The following ARHGEF3 variants were observed in gnomAD, a reference collection of about 807,000 sequenced individuals.
ARHGEF3 encodes 59.8 kDA protein.
A neutral mutation model predicts 63.2 loss-of-function variants in ARHGEF3; 28 were observed. The ratio of observed to expected loss-of-function variants is 0.44; its 90% CI spans 0.33 to 0.61. ARHGEF3 has a LOEUF of 0.61. Among genes scored for constraint, ARHGEF3 ranks in the 20% least tolerant of loss-of-function variants. The pLI, the probability that ARHGEF3 is intolerant of heterozygous loss-of-function variation, is 0.03. For missense variants in ARHGEF3, 533 were observed against 659.3 expected, an observed-to-expected ratio of 0.81 and a Z score of 2.10; for synonymous variants, 266 against 254.2, an observed-to-expected ratio of 1.05 and a Z score of -0.44.
intron 3 of ARHGEF3, among the ~76,000 whole-genome samples, chr3:56,910,064 G>A (rs1465000562): frequency 6.6e-6 from 1 of 152,164 alleles, no homozygotes; most frequent in Non-Finnish European, 1.5e-5. Flanking sequence ...AAGAGTAAAT[G>A]TTTGTTATTG....
intron 2 of ARHGEF3, chr3:56,975,697 A>C (rs1701098632): frequency 5.7e-6 from 2 of 347,880 alleles, no homozygotes; most frequent in Admixed American, 9.0e-5. Flanking sequence ...ACAGAGAAAC[A>C]GATGTTAAAA....
upstream of ARHGEF3, chr3:56,801,976 CG>C: frequency 1.6e-6 from 2 of 1,287,390 alleles, no homozygotes; most frequent in Non-Finnish European, 2.0e-6. Context: ...TGGGCGGGAC[CG>C]TGCCAGCCAC....
chr3:56,958,319 AT>A (rs532097300), intron 3 of ARHGEF3, among the ~76,000 whole-genome samples: 1,894 of 133,264 alleles, frequency 0.014, 22 homozygotes, highest in African/African-American at 0.036. Flanking sequence ...GGCCACTTGA[AT>A]TTTTTTTTTT....
chr3:56,760,247 T>C (rs1219053773), intron 2 of ARHGEF3, among the ~76,000 whole-genome samples: 2 of 152,210 alleles, frequency 1.3e-5, no homozygotes, highest in East Asian at 3.8e-4. Flanking sequence ...GATAGGTACA[T>C]AATAGTACAC....
At chr3:56,751,427 A>T in intron 4 of ARHGEF3, 31 bp from the exon 5 acceptor site, 1 of 1,565,064 alleles carries the variant, frequency 6.4e-7, no homozygotes, top group Non-Finnish European at 8.8e-7. Flanking sequence ...ATGGAAGCAC[A>T]TGTTTAAAAT....
At chr3:56,831,864 A>G (rs1459341165) in intron 4 of ARHGEF3, among the ~76,000 whole-genome samples, 1 of 152,246 alleles carries the variant, frequency 6.6e-6, no homozygotes, top group Non-Finnish European at 1.5e-5. Context: ...AATTTGAGCA[A>G]TCTTTGGGTG....
chr3:56,937,218 T>C (rs1948723), intron 3 of ARHGEF3, among the ~76,000 whole-genome samples: 1 of 152,134 alleles, frequency 6.6e-6, no homozygotes, highest in South Asian at 2.1e-4. Context: ...AAAAGACAAC[T>C]GAGAAAATAT....
rs1247804591 is a variant in ARHGEF3 at position 57,042,688 on chromosome 3, ATATATATATATAT to A, written c.-27-7525_-27-7513del. Among the ~76,000 whole-genome samples the A allele has an allele frequency of 3.6e-3, 32 of 8,860 alleles. 1 individual carries two copies. Among genetic ancestry groups the A allele is most frequent in the African/African-American group, 0.017 (31 of 1,842 alleles). The allele number at this position is 8,860 out of a possible 152,430, so 5.8% of individuals were successfully genotyped here. On this transcript the variant is annotated intron_variant, in intron 1 of 12. Coordinates refer to the ARHGEF3 transcript ENST00000338458. ...TATATATATATATATATATATATAT[ATATATATATATAT>A]TTTTTTTTTTTTTTAGACGGAGTCT...
At chr3:56,872,376 G>A (rs899372555) in intron 4 of ARHGEF3, among the ~76,000 whole-genome samples, 1 of 152,096 alleles carries the variant, frequency 6.6e-6, no homozygotes, top group South Asian at 2.1e-4. Context: ...TATAGCATGT[G>A]TTCTGTAACT....
chr3:56,855,844 G>T (rs1295965762), intron 4 of ARHGEF3, among the ~76,000 whole-genome samples: 1 of 152,162 alleles, frequency 6.6e-6, no homozygotes, highest in African/African-American at 2.4e-5. Context: ...TACAGATGAT[G>T]ATGACACAGT....
chr3:56,995,728 G>A (rs544256513), intron 2 of ARHGEF3, among the ~76,000 whole-genome samples: 2 of 150,572 alleles, frequency 1.3e-5, no homozygotes, highest in African/African-American at 4.9e-5. Context: ...CCTAAAAAAT[G>A]TAAGTTGAAT....
intron 2 of ARHGEF3, among the ~76,000 whole-genome samples, chr3:57,024,148 A>C (rs982336616): frequency 6.6e-6 from 1 of 152,060 alleles, no homozygotes; most frequent in Non-Finnish European, 1.5e-5. Context: ...GGAACCCACC[A>C]CTCCCCAAAG....
intron 4 of ARHGEF3, among the ~76,000 whole-genome samples, chr3:56,752,497 A>G (rs2034831034): frequency 6.6e-6 from 1 of 152,248 alleles, no homozygotes; most frequent in African/African-American, 2.4e-5. Context: ...TGCTTGGTAC[A>G]GAGAAGGAGG....
intron 4 of ARHGEF3, among the ~76,000 whole-genome samples, chr3:56,867,779 C>T (rs570132312): frequency 6.6e-6 from 1 of 152,264 alleles, no homozygotes; most frequent in African/African-American, 2.4e-5. Context: ...CCTGGAAATG[C>T]TATTTCACAT....
chr3:56,994,273 C>T (rs6445841), intron 2 of ARHGEF3, among the ~76,000 whole-genome samples: 149,187 of 152,094 alleles, frequency 0.98, 73,224 homozygotes, highest in East Asian at 1. Context: ...GCAAAAAGCA[C>T]GGCAAGGAAA....
At chr3:57,021,905 T>C (rs1033579368) in intron 2 of ARHGEF3, among the ~76,000 whole-genome samples, 7 of 151,918 alleles carry the variant, frequency 4.6e-5, no homozygotes, top group African/African-American at 1.7e-4. Context: ...TACAAAAATA[T>C]AGTAATAATA....
At chr3:56,828,744 G>T (rs1006672436) in intron 4 of ARHGEF3, among the ~76,000 whole-genome samples, 1 of 152,140 alleles carries the variant, frequency 6.6e-6, no homozygotes, top group African/African-American at 2.4e-5. Context: ...ATCTGTGGGA[G>T]CCTGTTTCTC....
intron 1 of ARHGEF3, among the ~76,000 whole-genome samples, chr3:57,041,418 C>T (rs1374725526): frequency 1.3e-5 from 2 of 152,320 alleles, no homozygotes; most frequent in East Asian, 3.9e-4. Context: ...TGAACACACA[C>T]CATCTGATTC....
intron 3 of ARHGEF3, among the ~76,000 whole-genome samples, chr3:56,894,533 T>C (rs1178482543): frequency 6.6e-6 from 1 of 152,170 alleles, no homozygotes; most frequent in Non-Finnish European, 1.5e-5. Context: ...CTCAAGCCTG[T>C]AATCTCAGCA....
Sources: gnomAD v4.1 joint callset for allele counts (sites outside exome capture counted in the v4.1 genomes callset) on GRCh38, gnomAD v4.1.1 for gene constraint, MANE v1.5 for transcripts, NCBI Gene and HGNC (gene_info 2026-07-23, HGNC 2026-07-21) for gene names.